The following LRBA variants were observed in gnomAD, a reference collection of about 807,000 sequenced individuals.
The protein encoded by LRBA is LPS responsive beige-like anchor protein.
A neutral mutation model predicts 330.0 loss-of-function variants in LRBA; 176 were observed. The ratio of observed to expected loss-of-function variants is 0.53; its 90% CI spans 0.47 to 0.60. The LOEUF is 0.60. LRBA is among the 20% of genes least tolerant of loss of function. LRBA has a pLI of 0.00. For missense variants in LRBA, 3,259 were observed against 3,444.8 expected (o/e 0.95, Z 1.35); for synonymous variants, 1,230 against 1,193.0 (o/e 1.03, Z -0.64).
chr4:150,407,750 A>T (rs1180085520), intron 47 of LRBA, among the ~76,000 whole-genome samples: 1 of 152,194 alleles, frequency 6.6e-6, no homozygotes, highest in Non-Finnish European at 1.5e-5. Flanking sequence ...TTTGGAAAAT[A>T]CAGAAGGGGA....
At chr4:150,840,470 G>C (rs1265854223) in intron 28 of LRBA, 1 of 152,172 alleles carries the variant, frequency 6.6e-6, no homozygotes, top group Non-Finnish European at 1.5e-5. Context: ...CAATATTGTT[G>C]TGTTTCAGGA....
At chr4:150,781,373 G>C (rs1256040951) in intron 34 of LRBA, among the ~76,000 whole-genome samples, 2 of 152,208 alleles carry the variant, frequency 1.3e-5, no homozygotes, top group Non-Finnish European at 2.9e-5. Context: ...TCAGCTGCAC[G>C]CACAGTTCAC....
intron 2 of LRBA, among the ~76,000 whole-genome samples, chr4:151,003,329 G>A (rs1004494802): frequency 3.4e-5 from 5 of 147,490 alleles, no homozygotes; most frequent in Non-Finnish European, 5.9e-5. Context: ...CCTGGGAGGC[G>A]AAGGTTACAG....
chr4:151,009,009 A>T (rs2149671192), intron 2 of LRBA, among the ~76,000 whole-genome samples: 1 of 33,222 alleles, frequency 3.0e-5, no homozygotes, highest in South Asian at 1.1e-3. Flanking sequence ...ATATATATAT[A>T]TATATATATA....
chr4:150,849,395 A>C (rs554182041), intron 25 of LRBA, 27 bp downstream of exon 25: 7 of 1,608,734 alleles, frequency 4.4e-6, no homozygotes, highest in Middle Eastern at 1.7e-4. Context: ...TTTTCACACC[A>C]ATTTTCTATA....
intron 17 of LRBA, among the ~76,000 whole-genome samples, chr4:150,878,941 T>G (rs1053523090): frequency 6.7e-6 from 1 of 150,198 alleles, no homozygotes; most frequent in East Asian, 2.0e-4. Context: ...CTAGCAGATA[T>G]ACAAAGAAGA....
intron 45 of LRBA, among the ~76,000 whole-genome samples, chr4:150,436,036 G>C (rs898198468): frequency 6.6e-6 from 1 of 152,104 alleles, no homozygotes; most frequent in Non-Finnish European, 1.5e-5. Flanking sequence ...CCAGTATGTA[G>C]TTTTCCTATT....
chr4:150,534,815 C>T (rs1156735352), intron 40 of LRBA, among the ~76,000 whole-genome samples: 1 of 152,032 alleles, frequency 6.6e-6, no homozygotes, highest in Non-Finnish European at 1.5e-5. Context: ...ATATCAGATG[C>T]CATTGTCTAT....
rs112418810 is a variant in LRBA at position 150,379,869 on chromosome 4, C to T, written c.7195-29710G>A. Among the ~76,000 whole-genome samples, 1,310 of 151,974 alleles carry T rather than the reference C, an allele frequency of 8.6e-3. 17 individuals are homozygous for T. The highest frequency in any genetic ancestry group is 0.03 in the African/African-American group (1,243 of 41,470). On this transcript the variant is annotated intron_variant, in intron 47 of 56. Transcript: ENST00000651943. ...AACTCCATACATAGGAAAACAACAA[C>T]AAAGAATTAATGGCTGGGTGCAATG...
At chr4:150,600,456 CTA>C (rs1459959220) in intron 37 of LRBA, among the ~76,000 whole-genome samples, 1 of 152,012 alleles carries the variant, frequency 6.6e-6, no homozygotes, top group Admixed American at 6.5e-5. Context: ...CAATTAAAAA[CTA>C]TCTTGTATTA....
chr4:150,585,364 T>A (rs1175280082), intron 40 of LRBA, among the ~76,000 whole-genome samples: 2 of 152,188 alleles, frequency 1.3e-5, no homozygotes, highest in Non-Finnish European at 2.9e-5. Context: ...CTGAAACTGC[T>A]TATATGCAAT....
At chr4:150,285,515 G>A (rs753312083) in intron 54 of LRBA, among the ~76,000 whole-genome samples, 7 of 152,264 alleles carry the variant, frequency 4.6e-5, no homozygotes, top group East Asian at 3.9e-4. Flanking sequence ...GATATAAGAC[G>A]GAACCTGGCC....
chr4:150,647,611 C>A (rs1013032633), intron 37 of LRBA, among the ~76,000 whole-genome samples: 2 of 151,784 alleles, frequency 1.3e-5, no homozygotes, highest in African/African-American at 4.8e-5. Flanking sequence ...GTTGCCCAGG[C>A]TGGTCTTGAA....
intron 48 of LRBA, among the ~76,000 whole-genome samples, chr4:150,326,827 C>T (rs946251049): frequency 2.6e-5 from 4 of 152,028 alleles, no homozygotes; most frequent in African/African-American, 9.7e-5. Flanking sequence ...TTCGACACTC[C>T]CGTAACAGTC....
chr4:150,978,684 T>A (rs1177877291), intron 2 of LRBA, among the ~76,000 whole-genome samples: 1 of 151,742 alleles, frequency 6.6e-6, no homozygotes, highest in East Asian at 1.9e-4. Flanking sequence ...ACAAAAAAGA[T>A]GAAATATTAA....
chr4:150,444,625 G>T (rs563083033), intron 44 of LRBA, among the ~76,000 whole-genome samples: 2 of 152,072 alleles, frequency 1.3e-5, no homozygotes, highest in Non-Finnish European at 2.9e-5. Flanking sequence ...AATTTCATCA[G>T]CACACCACCG....
At chr4:150,282,836 C>T (rs1747706989) in intron 54 of LRBA, among the ~76,000 whole-genome samples, 190 bp from the exon 55 acceptor site, 1 of 152,202 alleles carries the variant, frequency 6.6e-6, no homozygotes, top group African/African-American at 2.4e-5. Context: ...TCTCACCTTC[C>T]ACTCAGGAGA....
At chr4:150,767,685 G>A (rs1291392704) in intron 34 of LRBA, among the ~76,000 whole-genome samples, 1 of 150,996 alleles carries the variant, frequency 6.6e-6, no homozygotes, top group Non-Finnish European at 1.5e-5. Flanking sequence ...GTGAACCCGG[G>A]AGGCAGAGCT....
At chr4:150,930,817 C>G (rs1734408839) in intron 2 of LRBA, among the ~76,000 whole-genome samples, 1 of 152,186 alleles carries the variant, frequency 6.6e-6, no homozygotes, top group Non-Finnish European at 1.5e-5. Flanking sequence ...TTTGTATCAT[C>G]ACTACCAAGC....
Sources: allele counts gnomAD v4.1 joint callset (sites outside exome capture counted in the v4.1 genomes callset), GRCh38; gene constraint gnomAD v4.1.1; transcripts MANE v1.5; gene names NCBI Gene and HGNC (gene_info 2026-07-23, HGNC 2026-07-21).